The following CC2D2A variants were observed in gnomAD, a reference collection of about 807,000 sequenced individuals.
CC2D2A encodes the protein coiled-coil and C2 domain-containing protein 2A.
Under a neutral mutation model 212.9 loss-of-function variants are expected in CC2D2A, and 155 were observed. The observed-to-expected ratio is 0.73, with a 90% CI of 0.64 to 0.83. CC2D2A has a LOEUF of 0.83. CC2D2A is among the 40% of genes least tolerant of loss of function. CC2D2A has a pLI of 0.00. For missense variants in CC2D2A, 1,856 were observed against 1,956.2 expected (o/e 0.95, Z 0.97); for synonymous variants, 667 against 686.5 (o/e 0.97, Z 0.44).
chr4:15,508,041 G>A (rs957748006), intron 6 of CC2D2A, among the ~76,000 whole-genome samples: 1 of 152,126 alleles, frequency 6.6e-6, no homozygotes, highest in East Asian at 1.9e-4. Flanking sequence ...AGAACTTGAG[G>A]CTTCTTCTTC....
rs781779336 is a variant in CC2D2A at position 15,589,581 on chromosome 4, C to T, written c.4216C>T (p.Arg1406Cys). The change falls in exon 33 of 37, where the codon CGT becomes TGT. Residue 1406 changes from arginine to cysteine, a missense_variant. By Grantham distance (180) the Arg-to-Cys change is radical. Around this residue, in one of 5 missense-constraint regions of CC2D2A, gnomAD observed 285 missense variants for 278.4 expected, o/e 1.02. Coordinates refer to ENST00000424120, the MANE Select transcript of CC2D2A (RefSeq NM_001378615.1). ...CTATGTGCTAACTTGGGAGCAAGGT[C>T]GTTATTTAATATGGAATCCCTGCAG... ...TAYVLTWEQG[R>C]YLIWNPCSGH... 4 of 1,611,912 alleles carry T rather than the reference C, an allele frequency of 2.5e-6. No individual in the cohort carries two copies. The highest frequency in any genetic ancestry group is 1.1e-5 in the South Asian group (1 of 90,826).
In CC2D2A at chr4:15,500,099, G is replaced by GTATACA. The variant is rs71179633; in HGVS notation, c.248-2329_248-2328insATACAT. Among the ~76,000 whole-genome samples the GTATACA allele has an allele frequency of 6.4e-3, 449 of 69,800 alleles. 7 individuals are homozygous for GTATACA. The highest frequency in any genetic ancestry group is 0.019 in the African/African-American group (422 of 22,428). 45.8% of individuals were successfully genotyped at this position (69,800 alleles called of 152,430 possible). ...ATTGTGTGTGTGTGTGTGTGTGTGT[G>GTATACA]TGTGTGTGTATATATATATATATAT... On this transcript the variant is annotated intron_variant, in intron 4 of 36. Transcript: ENST00000424120.
At chr4:15,535,924 C>T (rs1718108061) in intron 14 of CC2D2A, among the ~76,000 whole-genome samples, 1 of 152,110 alleles carries the variant, frequency 6.6e-6, no homozygotes, top group South Asian at 2.1e-4. Flanking sequence ...CGCCATCTAC[C>T]AGGAGAGCCA....
At chr4:15,511,765 A>G (rs1332786484) in intron 8 of CC2D2A, 1 of 157,384 alleles carries the variant, frequency 6.4e-6, no homozygotes, top group Non-Finnish European at 1.4e-5. Flanking sequence ...GGCAAATGAA[A>G]TCTTGGTCTC....
chr4:15,573,543 G>A (rs1016348643), intron 28 of CC2D2A, among the ~76,000 whole-genome samples: 17 of 152,140 alleles, frequency 1.1e-4, no homozygotes, highest in African/African-American at 9.7e-5. Flanking sequence ...TACCTGCCTC[G>A]GCCTCCCAAA....
At chr4:15,572,967 G>A (rs1720236373) in intron 28 of CC2D2A, among the ~76,000 whole-genome samples, 2 of 152,100 alleles carry the variant, frequency 1.3e-5, no homozygotes, top group African/African-American at 4.8e-5. Flanking sequence ...GATGAAGGGG[G>A]GAAGACTCAG....
intron 9 of CC2D2A, 45 bp from the exon 10 acceptor site, chr4:15,515,823 T>C (rs1716834932): frequency 1.3e-6 from 2 of 1,509,282 alleles, no homozygotes; most frequent in South Asian, 2.5e-5. Context: ...TTGAGATATT[T>C]AGATTGGCCC....
chr4:15,579,752 TGTCA>T (rs1720571919), intron 29 of CC2D2A, among the ~76,000 whole-genome samples: 1 of 152,230 alleles, frequency 6.6e-6, no homozygotes, highest in South Asian at 2.1e-4. Flanking sequence ...ATTTCAATCC[TGTCA>T]AATATATTTT....
At chr4:15,533,103 T>C (rs1392608765) in intron 13 of CC2D2A, 90 bp from the exon 14 acceptor site, 1 of 1,054,612 alleles carries the variant, frequency 9.5e-7, no homozygotes, top group Non-Finnish European at 1.3e-6. Context: ...AGCTATCAAA[T>C]TGAATATACA....
At chr4:15,478,296 A>C (rs1714372959) in intron 2 of CC2D2A, among the ~76,000 whole-genome samples, 9 of 152,230 alleles carry the variant, frequency 5.9e-5, no homozygotes, top group Admixed American at 5.9e-4. Context: ...GAAAGCAGAA[A>C]AACTTAACCG....
intron 8 of CC2D2A, among the ~76,000 whole-genome samples, chr4:15,513,424 T>C (rs992896279): frequency 6.6e-6 from 1 of 152,212 alleles, no homozygotes; most frequent in African/African-American, 2.4e-5. Flanking sequence ...AAGTCTCCAA[T>C]TGCGAATATC....
intron 11 of CC2D2A, among the ~76,000 whole-genome samples, chr4:15,525,392 G>A (rs1031393038): frequency 2.0e-5 from 3 of 152,202 alleles, no homozygotes; most frequent in African/African-American, 7.2e-5. Flanking sequence ...AGTTGTACAT[G>A]TATTTGTGAG....
chr4:15,577,487 C>T (rs1720465487), intron 29 of CC2D2A, among the ~76,000 whole-genome samples: 1 of 152,168 alleles, frequency 6.6e-6, no homozygotes, highest in Non-Finnish European at 1.5e-5. Flanking sequence ...CTCCTTGGCA[C>T]TTCTTAGATC....
At chr4:15,533,168 A>T in intron 13 of CC2D2A, 25 bp from the exon 14 acceptor site, 1 of 1,560,704 alleles carries the variant, frequency 6.4e-7, no homozygotes, top group Non-Finnish European at 8.6e-7. Context: ...TTTAATATAT[A>T]CTCATGTGTT....
chr4:15,553,199 A>T lies in CC2D2A; in HGVS notation c.2380A>T (p.Thr794Ser). 1 of 1,608,658 alleles carries T rather than the reference A, an allele frequency of 6.2e-7. No individual in the cohort carries two copies. Among genetic ancestry groups the T allele is most frequent in the African/African-American group, 1.3e-5 (1 of 74,702 alleles). The change falls in exon 19 of 37, where the codon ACT becomes TCT. Residue 794 changes from threonine to serine, a missense_variant. Thr to Ser is a moderately conservative substitution (Grantham distance 58, BLOSUM62 1). Transcript: ENST00000424120. ...SFEADGSNQL[T>S]LMTSGKVSHS... The stretch of plus-strand genomic sequence containing the variant: ...TGAAGCTGATGGCAGTAACCAGCTG[A>T]CTCTGATGACCTCAGGGAAAGTGTC...
intron 15 of CC2D2A, 122 bp from the exon 16 acceptor site, chr4:15,537,777 T>C: frequency 1.9e-6 from 2 of 1,035,594 alleles, no homozygotes; most frequent in Non-Finnish European, 2.8e-6. Flanking sequence ...CCTGCCTGAT[T>C]ACACACTTCT....
chr4:15,533,679 C>G (rs1328146566), intron 14 of CC2D2A, among the ~76,000 whole-genome samples: 1 of 152,148 alleles, frequency 6.6e-6, no homozygotes, highest in Non-Finnish European at 1.5e-5. Flanking sequence ...ATACATGCTT[C>G]TTTTCTTCAG....
At chr4:15,511,505 C>CAGGTTTCTCCTCAGCCACT in intron 8 of CC2D2A, 82 bp downstream of exon 8, 1 of 1,315,540 alleles carries the variant, frequency 7.6e-7, no homozygotes, top group Non-Finnish European at 1.0e-6. Flanking sequence ...AAGAAAGTGG[C>CAGGTTTCTCCTCAGCCACT]TGAGGAGAAA....
Position 15,540,838 on chromosome 4 carries a change from G to T in CC2D2A, c.2005G>T (p.Ala669Ser), listed in dbSNP as rs1718388684. The T allele has an allele frequency of 6.3e-7, 1 of 1,596,286 alleles. No individual in the cohort carries two copies. The highest frequency in any genetic ancestry group is 8.5e-7 in the Non-Finnish European group (1 of 1,171,070). The change falls in exon 17 of 37, where the codon GCG becomes TCG. Residue 669 changes from alanine to serine, a missense_variant and splice_region_variant. Ala to Ser is a moderately conservative substitution (Grantham distance 99). Coordinates refer to ENST00000424120, the MANE Select transcript of CC2D2A (RefSeq NM_001378615.1). ...SVTPNDQCPRAEVSRREDVKK... is the reference protein window; with the variant it reads ...SVTPNDQCPRSEVSRREDVKK... ...CCTGTGAATGGTCTCCTTTTGCAGA[G>T]CGGAGGTCTCGAGAAGGGAGGATGT...
Sources: gnomAD v4.1 joint callset for allele counts (sites outside exome capture counted in the v4.1 genomes callset) on GRCh38, gnomAD v4.1.1 for gene constraint, gnomAD v4.1.1 regional missense constraint, MANE v1.5 for transcripts, NCBI Gene and HGNC (gene_info 2026-07-23, HGNC 2026-07-21) for gene names.